Variants in PPP1R12A observed in about 807,000 individuals in gnomAD.
PPP1R12A encodes the protein myosin binding subunit.
A neutral mutation model predicts 139.6 loss-of-function variants in PPP1R12A; 19 were observed. The ratio of observed to expected loss-of-function variants is 0.14; its 90% CI spans 0.09 to 0.20. The LOEUF (loss-of-function observed/expected upper bound fraction) is 0.20, where lower values mean the gene tolerates loss of function less well. Ranked by LOEUF, PPP1R12A falls within the 10% of genes least tolerant of loss-of-function variation. The probability of loss-of-function intolerance (pLI) is 1.00; values close to 1 mark genes in which losing one functional copy is unlikely to be tolerated. For missense variants in PPP1R12A, 925 were observed against 1,211.5 expected (o/e 0.76, Z 3.51); for synonymous variants, 427 against 420.6 (o/e 1.02, Z -0.19).
intron 1 of PPP1R12A, among the ~76,000 whole-genome samples, chr12:79,899,541 A>C (rs961561134): frequency 6.6e-6 from 1 of 152,054 alleles, no homozygotes; most frequent in African/African-American, 2.4e-5. Context: ...AGATTCATTC[A>C]TGTTGTTGTG....
chr12:79,930,500 C>T (rs771392236), intron 1 of PPP1R12A, among the ~76,000 whole-genome samples: 98 of 152,154 alleles, frequency 6.4e-4, no homozygotes, highest in Non-Finnish European at 1.0e-4. Context: ...AGGCTAGGTG[C>T]GGTGGCTCAC....
chr12:79,910,621 A>G (rs1437263845), intron 1 of PPP1R12A, among the ~76,000 whole-genome samples: 3 of 152,138 alleles, frequency 2.0e-5, no homozygotes, highest in Non-Finnish European at 4.4e-5. Flanking sequence ...TTATTCTACT[A>G]TGATTTCACT....
Position 79,836,145 on chromosome 12 carries a change from T to C in PPP1R12A, c.488-3654A>G, listed in dbSNP as rs146603597. Among the ~76,000 whole-genome samples, 64 of 152,326 alleles carry C rather than the reference T, an allele frequency of 4.2e-4. 1 individual carries two copies. In the East Asian group the frequency reaches 0.011, roughly 27 times the overall value. ...AACAATAAATTGTATAAACTATATA[T>C]GGAATGAACACAACCTATTATGATT... On this transcript the variant is annotated intron_variant, in intron 3 of 24. Coordinates refer to ENST00000450142, the MANE Select transcript of PPP1R12A (RefSeq NM_002480.3).
At chr12:79,844,488 T>G (rs1265449306) in intron 3 of PPP1R12A, among the ~76,000 whole-genome samples, 1 of 152,154 alleles carries the variant, frequency 6.6e-6, no homozygotes, top group Non-Finnish European at 1.5e-5. Context: ...CTTCAAAATA[T>G]ATCCATAATC....
intron 1 of PPP1R12A, among the ~76,000 whole-genome samples, chr12:79,929,288 T>C (rs1035618914): frequency 1.3e-5 from 2 of 152,192 alleles, no homozygotes; most frequent in Non-Finnish European, 2.9e-5. Context: ...TGTGGCCTTG[T>C]TCCTCACAGG....
chr12:79,837,646 G>A (rs1441295642), intron 3 of PPP1R12A, among the ~76,000 whole-genome samples: 1 of 152,160 alleles, frequency 6.6e-6, no homozygotes, highest in Non-Finnish European at 1.5e-5. Context: ...AAATCATGGG[G>A]ACGATTACCC....
chr12:79,807,405 ATTAG>A, intron 11 of PPP1R12A, 75 bp from the exon 12 acceptor site: 1 of 890,530 alleles, frequency 1.1e-6, no homozygotes, highest in Non-Finnish European at 1.8e-6. Context: ...ACTAGTAAAT[ATTAG>A]TATAAGCTGA....
At chr12:79,830,125 A>ATACATAG (rs1877243570) in intron 4 of PPP1R12A, among the ~76,000 whole-genome samples, 1 of 152,044 alleles carries the variant, frequency 6.6e-6, no homozygotes, top group Admixed American at 6.6e-5. Context: ...GAATGAAAGG[A>ATACATAG]TACATAGGGA....
chr12:79,841,779 C>G (rs1464632038), intron 3 of PPP1R12A, among the ~76,000 whole-genome samples: 2 of 152,180 alleles, frequency 1.3e-5, no homozygotes, highest in African/African-American at 4.8e-5. Flanking sequence ...GGTTGTGATG[C>G]TTTATACTTA....
At chr12:79,776,295 C>G (rs1265050642) in intron 24 of PPP1R12A, among the ~76,000 whole-genome samples, 1 of 152,008 alleles carries the variant, frequency 6.6e-6, no homozygotes, top group Non-Finnish European at 1.5e-5. Context: ...CACAAGCACA[C>G]CACATTCCAG....
Position 79,805,694 on chromosome 12 carries a change from G to A in PPP1R12A, c.1898C>T (p.Pro633Leu). 6.2e-7 allele frequency: 1 copy of A among 1,613,646 alleles called. No homozygotes were observed. Residue 633 changes from proline to leucine, a missense_variant, in exon 14 of 25, where the codon CCT (proline) becomes CTT (leucine). By Grantham distance (98) the Pro-to-Leu change is moderately conservative (BLOSUM62 -3). Around this residue, in one of 4 missense-constraint regions of PPP1R12A, gnomAD observed 403 missense variants for 463.7 expected, o/e 0.87. Transcript: ENST00000450142. The part of the protein sequence containing the change: ...KDSVPTAVTI[P>L]VAPTVVNAAA... ...AGCATTTACAACAGTTGGAGCAACA[G>A]GAATGGTCACTGCCGTAGGAACACT...
chr12:79,887,978 G>A (rs906933858), intron 1 of PPP1R12A, among the ~76,000 whole-genome samples: 1 of 152,114 alleles, frequency 6.6e-6, no homozygotes, highest in African/African-American at 2.4e-5. Flanking sequence ...CATTAACATA[G>A]TTAATACACA....
chr12:79,834,375 G>A (rs1033772167), intron 3 of PPP1R12A, among the ~76,000 whole-genome samples: 4 of 152,156 alleles, frequency 2.6e-5, no homozygotes, highest in Admixed American at 6.6e-5. Flanking sequence ...GTGGTGACAC[G>A]ATCTGACTTA....
chr12:79,796,796 T>G lies in PPP1R12A; in HGVS notation c.2447A>C (p.Lys816Thr). 6.2e-7 allele frequency: 1 copy of G among 1,604,382 alleles called. No individual in the cohort carries two copies. The highest frequency in any genetic ancestry group is 1.1e-5 in the South Asian group (1 of 89,112). Residue 816 changes from lysine (K) to threonine (T), a missense_variant, in exon 17 of 25, where the codon AAA becomes ACA. Around this residue, in one of 4 missense-constraint regions of PPP1R12A, gnomAD observed 315 missense variants for 363.4 expected, o/e 0.87. Transcript: ENST00000450142. ...ITSAYSRGIT[K>T]ENEREGEKRE... ...GGTATTCTTACCTCTTTCATTTTCT[T>G]TTGTTATTCCTCTGGAGTAAGCAGA...
chr12:79,847,869 G>C (rs1472759433), intron 2 of PPP1R12A, among the ~76,000 whole-genome samples: 6 of 152,144 alleles, frequency 3.9e-5, no homozygotes, highest in Non-Finnish European at 7.4e-5. Flanking sequence ...GTGATAGGAA[G>C]TATATACAGC....
intron 2 of PPP1R12A, among the ~76,000 whole-genome samples, chr12:79,866,917 C>T (rs1882031229): frequency 6.6e-6 from 1 of 152,120 alleles, no homozygotes. Flanking sequence ...GTGGCGATTC[C>T]GCAAGGATCT....
intron 1 of PPP1R12A, among the ~76,000 whole-genome samples, chr12:79,877,846 T>TC (rs1206649615): frequency 6.6e-6 from 1 of 152,148 alleles, no homozygotes; most frequent in Non-Finnish European, 1.5e-5. Flanking sequence ...CACCTTTTTT[T>TC]CTCAACCTCT....
At chr12:79,882,357 C>T (rs114696108) in intron 1 of PPP1R12A, among the ~76,000 whole-genome samples, 6,817 of 152,198 alleles carry the variant, frequency 0.045, 208 homozygotes, top group East Asian at 0.17. Context: ...TTGATTCCAA[C>T]CCTCATGGAC....
intron 1 of PPP1R12A, among the ~76,000 whole-genome samples, chr12:79,920,369 T>C (rs556945507): frequency 9.8e-5 from 15 of 152,354 alleles, no homozygotes; most frequent in African/African-American, 3.6e-4. Context: ...CTCTTGAGTA[T>C]ACACCTAAGA....
Sources: allele counts gnomAD v4.1 joint callset (sites outside exome capture counted in the v4.1 genomes callset), GRCh38; gene constraint gnomAD v4.1.1; regional missense constraint gnomAD v4.1.1; transcripts MANE v1.5; gene names NCBI Gene and HGNC (gene_info 2026-07-23, HGNC 2026-07-21).